CYP27C1: variants seen among roughly 807,000 people sequenced by gnomAD.
CYP27C1 encodes the protein cytochrome P450 family 27 subfamily C member 1.
Under a neutral mutation model 40.6 loss-of-function variants are expected in CYP27C1, and 29 were observed. The ratio of observed to expected loss-of-function variants is 0.71; its 90% CI spans 0.53 to 0.97. The LOEUF (loss-of-function observed/expected upper bound fraction) is 0.97, where lower values mean the gene tolerates loss of function less well. Ranked by LOEUF, CYP27C1 falls within the 50% of genes least tolerant of loss-of-function variation. The pLI, the probability that CYP27C1 is intolerant of heterozygous loss-of-function variation, is 0.00. For synonymous variants in CYP27C1, 198 were observed against 186.8 expected, an observed-to-expected ratio of 1.06 and a Z score of -0.49; for missense variants, 390 against 485.8, an observed-to-expected ratio of 0.80 and a Z score of 1.85.
intron 6 of CYP27C1, among the ~76,000 whole-genome samples, chr2:127,194,753 A>G (rs1178066147): frequency 6.6e-6 from 1 of 152,192 alleles, no homozygotes; most frequent in Non-Finnish European, 1.5e-5. Context: ...GTCAAAGGCC[A>G]TTGACCCAGG....
intron 1 of CYP27C1, among the ~76,000 whole-genome samples, chr2:127,215,648 T>C (rs1683417919): frequency 6.6e-6 from 1 of 152,138 alleles, no homozygotes; most frequent in Admixed American, 6.5e-5. Flanking sequence ...GGCAGGTGGA[T>C]TGCTTGAGCC....
At chr2:127,197,885 C>G (rs1682940469) in intron 5 of CYP27C1, among the ~76,000 whole-genome samples, 1 of 152,016 alleles carries the variant, frequency 6.6e-6, no homozygotes, top group South Asian at 2.1e-4. Flanking sequence ...CATGCCACCC[C>G]CAGCCAGCCA....
At chr2:127,207,844 A>G (rs1422144746) in intron 1 of CYP27C1, among the ~76,000 whole-genome samples, 1 of 152,248 alleles carries the variant, frequency 6.6e-6, no homozygotes, top group Admixed American at 6.5e-5. Context: ...AATAAATGGC[A>G]AGATATCCCA....
chr2:127,210,680 T>A (rs1250679224), intron 1 of CYP27C1, among the ~76,000 whole-genome samples: 13 of 139,956 alleles, frequency 9.3e-5, no homozygotes, highest in Admixed American at 1.4e-4. Context: ...ACAAAGCAAG[T>A]GAAAAGTGAA....
At chr2:127,206,143 C>A (rs1034853329) in intron 1 of CYP27C1, among the ~76,000 whole-genome samples, 53 bp from the exon 2 acceptor site, 2 of 152,198 alleles carry the variant, frequency 1.3e-5, no homozygotes, top group African/African-American at 4.8e-5. Context: ...ATATGATATA[C>A]CTTTAACATA....
At position 127,203,107 on chromosome 2, in the gene CYP27C1, G is replaced by T. The variant is rs185289625; in HGVS notation, c.673+265C>A. Among the ~76,000 whole-genome samples, 538 of 151,886 alleles carry T rather than the reference G, an allele frequency of 3.5e-3. 3 individuals are homozygous for T. The highest frequency in any genetic ancestry group is 0.012 in the African/African-American group (498 of 41,404). ...CGCTTGAACCTGGGAGGCAGAGGTT[G>T]CAGCGAGCCAAGACCACATCATAGC... On this transcript the variant is annotated intron_variant, in intron 3 of 8. Transcript: ENST00000664447.
chr2:127,188,289 G>C (rs1268306024), intron 8 of CYP27C1, among the ~76,000 whole-genome samples: 1 of 152,158 alleles, frequency 6.6e-6, no homozygotes, highest in Non-Finnish European at 1.5e-5. Context: ...CTCCAGGCTG[G>C]GACCCCATGG....
At chr2:127,190,596 TC>T (rs1682745157) in intron 8 of CYP27C1, among the ~76,000 whole-genome samples, 1 of 149,672 alleles carries the variant, frequency 6.7e-6, no homozygotes, top group Non-Finnish European at 1.5e-5. Flanking sequence ...TGCCTTGGCC[TC>T]CCAAAGTGCT....
At chr2:127,202,743 GT>G (rs558081094) in intron 3 of CYP27C1, among the ~76,000 whole-genome samples, 4,623 of 144,328 alleles carry the variant, frequency 0.032, 152 homozygotes, top group African/African-American at 0.092. Context: ...CAAACAAAAT[GT>G]TTTTTTTTTT....
chr2:127,204,460 GAAAGAAAGAAAGAAAGA>G (rs1683132514), intron 2 of CYP27C1, among the ~76,000 whole-genome samples: 1 of 43,932 alleles, frequency 2.3e-5, no homozygotes, highest in Non-Finnish European at 4.5e-5. Context: ...AAGAAAGAAA[GAAAGAAAGAAAGAAAGA>G]AAGAAAGAAA....
In CYP27C1 at chr2:127,195,334, C is replaced by T. The variant is rs751333445; in HGVS notation, c.1214+1G>A. The T allele has an allele frequency of 1.9e-5, 30 of 1,613,978 alleles. No individual in the cohort carries two copies. Among genetic ancestry groups the T allele is most frequent in the Non-Finnish European group, 2.3e-5 (27 of 1,180,006 alleles). On this transcript the variant is annotated splice_donor_variant, in intron 6 of 8. Coordinates refer to ENST00000664447, the MANE Select transcript of CYP27C1 (RefSeq NM_001367502.1). LOFTEE classifies it high-confidence loss of function. The surrounding 1 kb of genome is among the most constrained non-coding windows in gnomAD (Gnocchi z 6.2). ...TTGACGGATTCTGGCGAGCCTTTTA[C>T]CTCAGGGTTTCCTTAAGGAGAGCTC...
intron 1 of CYP27C1, among the ~76,000 whole-genome samples, chr2:127,207,991 T>G (rs1241253716): frequency 3.9e-5 from 6 of 152,130 alleles, no homozygotes; most frequent in African/African-American, 9.7e-5. Flanking sequence ...AAAATTCATA[T>G]GAAAATGCAA....
chr2:127,191,290 C>G (rs558805869), intron 8 of CYP27C1, among the ~76,000 whole-genome samples: 1 of 152,224 alleles, frequency 6.6e-6, no homozygotes, highest in East Asian at 1.9e-4. Context: ...TCTACACTTG[C>G]CCAGGTAGAA....
chr2:127,208,489 C>G lies in CYP27C1; in HGVS notation c.283-2399G>C, dbSNP rs1314883340. ...GGAATCTGTTTAAGCCTACTGAACT[C>G]CTGAGGGGATGGGCGACCAGCACCA... On this transcript the variant is annotated intron_variant, in intron 1 of 8. Coordinates refer to ENST00000664447, the MANE Select transcript of CYP27C1 (RefSeq NM_001367502.1). The surrounding 1 kb of genome is among the most constrained non-coding windows in gnomAD (Gnocchi z 5.2). Among the ~76,000 whole-genome samples the G allele has an allele frequency of 6.6e-6, 1 of 152,222 alleles. No individual in the cohort carries two copies. Among genetic ancestry groups the G allele is most frequent in the Non-Finnish European group, 1.5e-5 (1 of 68,032 alleles).
At chr2:127,187,806 C>A (rs1227213462) in intron 8 of CYP27C1, among the ~76,000 whole-genome samples, 2 of 152,216 alleles carry the variant, frequency 1.3e-5, no homozygotes, top group African/African-American at 4.8e-5. Context: ...GCAGACACTT[C>A]AGACCCGGCC....
At chr2:127,207,249 C>T (rs970406835) in intron 1 of CYP27C1, among the ~76,000 whole-genome samples, 2 of 152,166 alleles carry the variant, frequency 1.3e-5, no homozygotes, top group East Asian at 1.9e-4. Flanking sequence ...ACTCTCTGCA[C>T]TTTGGGAGGC....
intron 5 of CYP27C1, 121 bp downstream of exon 5, chr2:127,199,255 C>T: frequency 2.2e-6 from 3 of 1,337,264 alleles, no homozygotes; most frequent in Non-Finnish European, 3.1e-6. Flanking sequence ...CCATTGCACT[C>T]CAGCCTGGGC....
intron 8 of CYP27C1, among the ~76,000 whole-genome samples, chr2:127,189,168 G>GCCCCCCCCCCCCCCCCCCCC (rs34707287): frequency 3.9e-5 from 5 of 129,164 alleles, no homozygotes; most frequent in Admixed American, 8.1e-5. Context: ...AAAAAACACT[G>GCCCCCCCCCCCCCCCCCCCC]CCCCCCCCCT....
intron 3 of CYP27C1, 67 bp downstream of exon 3, chr2:127,203,305 A>T (rs887184079): frequency 3.2e-6 from 5 of 1,544,960 alleles, no homozygotes; most frequent in Admixed American, 1.9e-5. Flanking sequence ...ATGATCCAAG[A>T]TGACATCTGC....
Sources: allele counts gnomAD v4.1 joint callset (sites outside exome capture counted in the v4.1 genomes callset), GRCh38; gene constraint gnomAD v4.1.1; non-coding constraint Gnocchi (gnomAD v3.1); transcripts MANE v1.5; gene names NCBI Gene and HGNC (gene_info 2026-07-23, HGNC 2026-07-21).